PLCG2: variants seen among roughly 807,000 people sequenced by gnomAD.
The protein encoded by PLCG2 is 1-phosphatidylinositol 4,5-bisphosphate phosphodiesterase gamma-2.
In PLCG2, 69 loss-of-function variants were observed where a neutral mutation model predicts 175.6. The observed-to-expected ratio is 0.39, with a 90% CI of 0.32 to 0.48. The LOEUF is 0.48. Among genes scored for constraint, PLCG2 ranks in the 20% least tolerant of loss-of-function variants. The probability of loss-of-function intolerance (pLI) is 0.91; values close to 1 mark genes in which losing one functional copy is unlikely to be tolerated. For synonymous variants in PLCG2, 827 were observed against 624.0 expected, an observed-to-expected ratio of 1.33 and a Z score of -4.85; for missense variants, 1,798 against 1,650.9, an observed-to-expected ratio of 1.09 and a Z score of -1.54.
upstream of PLCG2, among the ~76,000 whole-genome samples, chr16:81,777,737 C>T (rs60780862): frequency 0.26 from 39,324 of 151,808 alleles, 5,936 homozygotes; most frequent in East Asian, 0.51. Context: ...TATAACAGGC[C>T]GGGTGCAGTG....
Position 81,957,965 on chromosome 16 carries a change from G to C in PLCG2, c.3765G>C (p.Glu1255Asp). The C allele has an allele frequency of 6.2e-7, 1 of 1,613,866 alleles. No individual in the cohort carries two copies. Among genetic ancestry groups the C allele is most frequent in the Non-Finnish European group, 8.5e-7 (1 of 1,179,728 alleles). The change falls in exon 33 of 33, where the codon GAG becomes GAC. Residue 1255 changes from glutamate (E) to aspartate (D), a missense_variant. Glu to Asp is a conservative substitution (Grantham distance 45). Coordinates refer to ENST00000564138, the MANE Select transcript of PLCG2 (RefSeq NM_002661.5). ...ATCTGTTTTATTTCAGGTTAAGAGA[G>C]AAGAGAGTCAGCAACAGCAAGTTTT... ...YQEKCNKRLR[E>D]KRVSNSKFYS is the part of the protein sequence containing the mutation.
intron 2 of PLCG2, among the ~76,000 whole-genome samples, chr16:81,767,121 A>G (rs1383759829): frequency 7.1e-6 from 1 of 141,316 alleles, no homozygotes; most frequent in Non-Finnish European, 1.5e-5. Context: ...ACCCCATTCA[A>G]CTGATAAACT....
intron 17 of PLCG2, among the ~76,000 whole-genome samples, chr16:81,909,729 A>G (rs557710097): frequency 6.6e-6 from 1 of 152,284 alleles, no homozygotes; most frequent in Admixed American, 6.5e-5. Context: ...TTAGAATACT[A>G]ATAACACGCA....
intron 31 of PLCG2, among the ~76,000 whole-genome samples, chr16:81,953,700 G>T (rs954008301): frequency 6.6e-6 from 1 of 152,182 alleles, no homozygotes; most frequent in Non-Finnish European, 1.5e-5. Context: ...CAAGTCAAGA[G>T]GGCTGGTTCA....
rs563114771 is a variant in PLCG2 at position 81,876,253 on chromosome 16, G to C, written c.649-4657G>C. On this transcript the variant is annotated intron_variant, in intron 7 of 32. Coordinates refer to ENST00000564138, the MANE Select transcript of PLCG2 (RefSeq NM_002661.5). ...ACCCAGGCTAGGCTTGAACTCCTGGGCTCAAGTGATCCACCCGCCTTGGCC... is the reference window on the plus strand; with the variant it reads ...ACCCAGGCTAGGCTTGAACTCCTGGCCTCAAGTGATCCACCCGCCTTGGCC... Among the ~76,000 whole-genome samples, 11 of 152,020 alleles carry C rather than the reference G, an allele frequency of 7.2e-5. No homozygotes were observed. The South Asian group carries it at 1.7e-3, about 23-fold the overall frequency.
At chr16:81,784,594 T>C (rs764667118) in intron 1 of PLCG2, among the ~76,000 whole-genome samples, 2 of 152,134 alleles carry the variant, frequency 1.3e-5, no homozygotes, top group Admixed American at 6.5e-5. Flanking sequence ...TCCAGGGACT[T>C]GGAGGGAAAG....
intron 2 of PLCG2, among the ~76,000 whole-genome samples, chr16:81,765,110 T>G (rs951744862): frequency 6.6e-6 from 1 of 151,946 alleles, no homozygotes; most frequent in Non-Finnish European, 1.5e-5. Context: ...AAAAAATAAA[T>G]CAATGACTGG....
intron 13 of PLCG2, chr16:81,898,060 G>GACACTGTGCAGTGGCAGCTT: frequency 3.1e-6 from 1 of 326,624 alleles, no homozygotes; most frequent in Non-Finnish European, 6.1e-6. Context: ...GGTATTAACA[G>GACACTGTGCAGTGGCAGCTT]ACACTGTGCA....
intron 2 of PLCG2, among the ~76,000 whole-genome samples, chr16:81,806,669 A>G (rs1039959445): frequency 6.6e-6 from 1 of 152,048 alleles, no homozygotes; most frequent in African/African-American, 2.4e-5. Flanking sequence ...ATATGGAAAG[A>G]AATAGAATGC....
intron 2 of PLCG2, among the ~76,000 whole-genome samples, chr16:81,843,065 C>G (rs931651711): frequency 1.3e-5 from 2 of 151,914 alleles, no homozygotes; most frequent in African/African-American, 4.8e-5. Context: ...AAGATGAAGC[C>G]TCATTTCTGT....
chr16:81,895,746 CTG>C, intron 12 of PLCG2, 59 bp from the exon 13 acceptor site: 1 of 1,598,856 alleles, frequency 6.3e-7, no homozygotes. Flanking sequence ...GGGCCGGGGG[CTG>C]ACCTCGGGGC....
chr16:81,876,530 C>T (rs570619150), intron 7 of PLCG2, among the ~76,000 whole-genome samples: 1 of 152,348 alleles, frequency 6.6e-6, no homozygotes, highest in South Asian at 2.1e-4. Flanking sequence ...GGCCCCTTCT[C>T]TTGTCCAGCT....
intron 4 of PLCG2, among the ~76,000 whole-genome samples, chr16:81,858,734 G>A (rs1906814024): frequency 6.6e-6 from 1 of 152,212 alleles, no homozygotes; most frequent in South Asian, 2.1e-4. Flanking sequence ...TCCCTCCTGG[G>A]TTGATGAAGA....
intron 5 of PLCG2, 36 bp from the exon 6 acceptor site, chr16:81,869,178 C>A: frequency 6.5e-7 from 1 of 1,549,132 alleles, no homozygotes; most frequent in Non-Finnish European, 8.9e-7. Flanking sequence ...GTTGAAAACC[C>A]TCAAGGTGAC....
In PLCG2 at chr16:81,945,022, A is replaced by T. The variant is rs981565464; in HGVS notation, c.3482-1153A>T. Among the ~76,000 whole-genome samples the T allele has an allele frequency of 2.6e-5, 4 of 152,332 alleles. No individual in the cohort carries two copies. The South Asian group carries it at 8.3e-4, about 32-fold the overall frequency. On this transcript the variant is annotated intron_variant, in intron 30 of 32. Coordinates refer to ENST00000564138, the MANE Select transcript of PLCG2 (RefSeq NM_002661.5). ...GGGAGAATTATGGTTACAAAATGGA[A>T]TGCAAATATTATATACCATGTCCAT... is the stretch of plus-strand genomic sequence containing the variant.
intron 26 of PLCG2, 45 bp downstream of exon 26, chr16:81,934,576 T>G: frequency 8.9e-7 from 1 of 1,120,484 alleles, no homozygotes; most frequent in South Asian, 1.3e-5. Flanking sequence ...CAATGAAAAC[T>G]TAACTTCCTT....
At chr16:81,750,864 G>C (rs1000168594) in intron 1 of PLCG2, among the ~76,000 whole-genome samples, 2 of 150,330 alleles carry the variant, frequency 1.3e-5, no homozygotes, top group African/African-American at 4.9e-5. Context: ...TAGTAGAGAT[G>C]GGGTTTCAAC....
chr16:81,869,220 T>G lies in PLCG2; in HGVS notation c.486T>G (p.Ser162Arg), dbSNP rs777295977. ...GGGTCTCCCTCTTTTGCAGCATCAG[T>G]CTCCGAGAGTTGAAGACCATCTTGC... ...SVDQTRRNSI[S>R]LRELKTILPL... is the part of the protein sequence containing the mutation. The change falls in exon 6 of 33, where the codon AGT becomes AGG. Residue 162 changes from serine (S) to arginine (R), a missense_variant. Transcript: ENST00000564138. 5 of 1,613,438 alleles carry G rather than the reference T, an allele frequency of 3.1e-6. No individual in the cohort carries two copies. Among genetic ancestry groups the G allele is most frequent in the Admixed American group, 1.7e-5 (1 of 60,020 alleles).
chr16:81,920,819 G>A (rs117631133), intron 20 of PLCG2, among the ~76,000 whole-genome samples: 11 of 152,216 alleles, frequency 7.2e-5, no homozygotes, highest in African/African-American at 2.7e-4. Context: ...ATGGAGGTCA[G>A]TTTCAAGTTG....
Sources: allele counts gnomAD v4.1 joint callset (sites outside exome capture counted in the v4.1 genomes callset), GRCh38; gene constraint gnomAD v4.1.1; transcripts MANE v1.5; gene names NCBI Gene and HGNC (gene_info 2026-07-23, HGNC 2026-07-21).